RRAGD: variants seen among roughly 807,000 people sequenced by gnomAD.
The protein encoded by RRAGD is Ras related GTP binding D, also known as ras-related GTP-binding protein D.
A neutral mutation model predicts 35.5 loss-of-function variants in RRAGD; 12 were observed. The ratio of observed to expected loss-of-function variants is 0.34; its 90% CI spans 0.22 to 0.55. The LOEUF (loss-of-function observed/expected upper bound fraction) is 0.55, where lower values mean the gene tolerates loss of function less well. Ranked by LOEUF, RRAGD falls within the 20% of genes least tolerant of loss-of-function variation. The pLI, the probability that RRAGD is intolerant of heterozygous loss-of-function variation, is 0.91. For synonymous variants in RRAGD, 155 were observed against 178.9 expected (o/e 0.87, Z 1.07); for missense variants, 324 against 490.1 (o/e 0.66, Z 3.20).
chr6:89,374,547 A>G (rs1768902366), intron 5 of RRAGD, among the ~76,000 whole-genome samples: 1 of 152,148 alleles, frequency 6.6e-6, no homozygotes, highest in East Asian at 1.9e-4. Flanking sequence ...CCTGACCAAC[A>G]TGGAGAAACT....
In RRAGD at chr6:89,411,826, C is replaced by T. The variant is rs1043966996; in HGVS notation, c.148+20G>A. On this transcript the variant is annotated intron_variant, in intron 1 of 6. Transcript: ENST00000369415. This position sits in a 1 kb window ranked among gnomAD's most constrained non-coding sequence, Gnocchi z 5.6. Reference sequence around the variant, plus strand: ...GGAGGAAAGGGGCGCGAGCCGAGGACGCGGGGGCCGGGCGCTCACCTCCCT... The same window carrying T: ...GGAGGAAAGGGGCGCGAGCCGAGGATGCGGGGGCCGGGCGCTCACCTCCCT... The T allele has an allele frequency of 1.0e-5, 16 of 1,543,390 alleles. No individual in the cohort carries two copies. Among genetic ancestry groups the T allele is most frequent in the Non-Finnish European group, 1.4e-5 (16 of 1,148,738 alleles).
At chr6:89,379,169 G>C in intron 4 of RRAGD, 55 bp downstream of exon 4, 2 of 884,974 alleles carry the variant, frequency 2.3e-6, no homozygotes, top group Non-Finnish European at 3.6e-6. Context: ...TTTCACTCTT[G>C]CAATGTTATT....
intron 6 of RRAGD, among the ~76,000 whole-genome samples, chr6:89,369,131 G>A (rs894649011): frequency 1.3e-5 from 2 of 152,114 alleles, no homozygotes; most frequent in Non-Finnish European, 2.9e-5. Flanking sequence ...AGGGGAGGGC[G>A]GGGAGGGCAC....
At chr6:89,369,093 C>A (rs73752748) in intron 6 of RRAGD, among the ~76,000 whole-genome samples, 3,711 of 144,446 alleles carry the variant, frequency 0.026, 152 homozygotes, top group African/African-American at 0.086. Context: ...GGATTAAATT[C>A]TTCAAACTAG....
chr6:89,379,094 T>A, intron 4 of RRAGD, 130 bp downstream of exon 4: 1 of 537,372 alleles, frequency 1.9e-6, no homozygotes, highest in Admixed American at 3.6e-5. Flanking sequence ...CACGTAGGAG[T>A]AATCTTTAAA....
chr6:89,391,113 G>C (rs1769224610), intron 1 of RRAGD, among the ~76,000 whole-genome samples: 1 of 151,898 alleles, frequency 6.6e-6, no homozygotes, highest in South Asian at 2.1e-4. Flanking sequence ...GGCTAGGAAT[G>C]GTGGCTCATG....
intron 6 of RRAGD, 128 bp downstream of exon 6, chr6:89,372,309 G>C: frequency 9.7e-7 from 1 of 1,030,982 alleles, no homozygotes; most frequent in Middle Eastern, 3.2e-4. Flanking sequence ...CAAGCCAAGA[G>C]GGCCTGTGAC....
Position 89,380,216 on chromosome 6 carries a change from C to T in RRAGD, c.596G>A (p.Arg199Lys), listed in dbSNP as rs190202337. The change falls in exon 3 of 7, where the codon AGG becomes AAG. Residue 199 changes from arginine to lysine, a missense_variant. Arg to Lys is a conservative substitution (Grantham distance 26). Coordinates refer to ENST00000369415, the MANE Select transcript of RRAGD (RefSeq NM_021244.5). Reference sequence around the variant, plus strand: ...AGCATCTGCAAGGTCATCGTTTGCCCTCTGGTGAATATCTCTTTGGGTTTC... The same window carrying T: ...AGCATCTGCAAGGTCATCGTTTGCCTTCTGGTGAATATCTCTTTGGGTTTC... ...KIETQRDIHQ[R>K]ANDDLADAGL... 2.3e-4 allele frequency: 369 copies of T among 1,614,218 alleles called. No individual in the cohort carries two copies. Among genetic ancestry groups the T allele is most frequent in the Non-Finnish European group, 3.0e-4 (354 of 1,180,046 alleles).
chr6:89,368,632 T>C (rs1768799078), intron 6 of RRAGD, among the ~76,000 whole-genome samples: 1 of 152,210 alleles, frequency 6.6e-6, no homozygotes. Context: ...CAAAGCTGTG[T>C]ATCAATCAAT....
intron 1 of RRAGD, among the ~76,000 whole-genome samples, chr6:89,399,751 A>T (rs1364307459): frequency 5.4e-5 from 8 of 148,838 alleles, no homozygotes; most frequent in African/African-American, 7.5e-5. Flanking sequence ...TGCACTTTGT[A>T]CCACCATGCC....
At chr6:89,387,066 T>A (rs1379363483) in intron 2 of RRAGD, among the ~76,000 whole-genome samples, 1 of 152,150 alleles carries the variant, frequency 6.6e-6, no homozygotes, top group Non-Finnish European at 1.5e-5. Flanking sequence ...ATCAGTGAGG[T>A]TTCCTAGGTC....
chr6:89,405,949 T>G (rs1334328718), intron 1 of RRAGD, among the ~76,000 whole-genome samples: 1 of 152,176 alleles, frequency 6.6e-6, no homozygotes, highest in African/African-American at 2.4e-5. Flanking sequence ...ACAAAAGCTA[T>G]GCAAAAATCA....
intron 3 of RRAGD, among the ~76,000 whole-genome samples, chr6:89,379,691 T>C (rs1410118746): frequency 2.0e-5 from 3 of 152,230 alleles, no homozygotes; most frequent in African/African-American, 7.2e-5. Context: ...GTAACTTATA[T>C]TCTTGATATT....
At chr6:89,398,967 A>T (rs1053639297) in intron 1 of RRAGD, among the ~76,000 whole-genome samples, 3 of 152,252 alleles carry the variant, frequency 2.0e-5, no homozygotes, top group African/African-American at 7.2e-5. Context: ...CTCATGGTCT[A>T]TGCATTCTAT....
Position 89,367,943 on chromosome 6 carries a change from C to A in RRAGD, c.*113G>T, listed in dbSNP as rs2127882654. 11 of 929,926 alleles carry A rather than the reference C, an allele frequency of 1.2e-5. No homozygotes were observed. Among genetic ancestry groups the A allele is most frequent in the South Asian group, 3.4e-5 (1 of 29,194 alleles). 57.6% of individuals were successfully genotyped at this position (929,926 alleles called of 1,614,324 possible). On this transcript the variant is annotated 3_prime_UTR_variant, in exon 7 of 7. Coordinates refer to ENST00000369415, the MANE Select transcript of RRAGD (RefSeq NM_021244.5). ...GGTTGCAGGAATTTTTTTTTTTTAA[C>A]AACAAATCAATGGTATGTGTCCCAA... is the stretch of plus-strand genomic sequence containing the variant.
Position 89,395,195 on chromosome 6 carries a change from GCTGCAGTGAGCCATGATTGTGCCA to G in RRAGD, c.149-7629_149-7606del, listed in dbSNP as rs1769311210. ...GATCCCTTGAGCTCAAGAGATTGAG[GCTGCAGTGAGCCATGATTGTGCCA>G]CTGCACTCCAGCCTGGGCAACAGAG... On this transcript the variant is annotated intron_variant, in intron 1 of 6. Transcript: ENST00000369415. Among the ~76,000 whole-genome samples the G allele has an allele frequency of 3.3e-5, 5 of 152,164 alleles. 1 individual carries two copies. The South Asian group carries it at 1.0e-3, about 31-fold the overall frequency.
At chr6:89,376,709 T>A (rs754094834) in intron 5 of RRAGD, among the ~76,000 whole-genome samples, 3 of 152,056 alleles carry the variant, frequency 2.0e-5, no homozygotes, top group Non-Finnish European at 4.4e-5. Context: ...TAGGAAGCTC[T>A]GTTTTCTAAG....
At chr6:89,394,167 G>C (rs9344935) in intron 1 of RRAGD, among the ~76,000 whole-genome samples, 4,872 of 150,774 alleles carry the variant, frequency 0.032, 304 homozygotes, top group East Asian at 0.27. Flanking sequence ...ATTAACAAAA[G>C]ATAAAACTCA....
chr6:89,406,408 A>T (rs1769580161), intron 1 of RRAGD, among the ~76,000 whole-genome samples: 1 of 152,180 alleles, frequency 6.6e-6, no homozygotes. Flanking sequence ...AGCAAGGCAG[A>T]CACAGAAGCA....
Sources: allele counts gnomAD v4.1 joint callset (sites outside exome capture counted in the v4.1 genomes callset), GRCh38; gene constraint gnomAD v4.1.1; non-coding constraint Gnocchi (gnomAD v3.1); transcripts MANE v1.5; gene names NCBI Gene and HGNC (gene_info 2026-07-23, HGNC 2026-07-21).